NUBPL: variants seen among roughly 807,000 people sequenced by gnomAD.
NUBPL encodes the protein iron-sulfur cluster transfer protein NUBPL.
In NUBPL, 31 loss-of-function variants were observed where a neutral mutation model predicts 45.7. The observed-to-expected ratio is 0.68, with a 90% CI of 0.51 to 0.92. NUBPL has a LOEUF of 0.92. NUBPL is among the 40% of genes least tolerant of loss of function. The pLI, the probability that NUBPL is intolerant of heterozygous loss-of-function variation, is 0.00. For missense variants in NUBPL, 401 were observed against 398.7 expected (o/e 1.01, Z -0.05); for synonymous variants, 144 against 140.9 (o/e 1.02, Z -0.15).
chr14:31,693,887 G>T (rs1229651213), intron 6 of NUBPL, among the ~76,000 whole-genome samples: 1 of 125,924 alleles, frequency 7.9e-6, no homozygotes, highest in Non-Finnish European at 1.5e-5. Context: ...ACGGAGTCTC[G>T]CTCTGTTGCC....
At chr14:31,618,292 T>C (rs2034965195) in intron 4 of NUBPL, among the ~76,000 whole-genome samples, 1 of 152,208 alleles carries the variant, frequency 6.6e-6, no homozygotes, top group Admixed American at 6.5e-5. Context: ...TGCTCTGATC[T>C]TAGTTATTTG....
intron 6 of NUBPL, among the ~76,000 whole-genome samples, chr14:31,686,178 A>G (rs2036949317): frequency 6.6e-6 from 1 of 152,214 alleles, no homozygotes; most frequent in Non-Finnish European, 1.5e-5. Flanking sequence ...AACTCTTTGA[A>G]GCCTGCAAGG....
chr14:31,841,348 T>A (rs1157941682), intron 8 of NUBPL, among the ~76,000 whole-genome samples: 1 of 152,234 alleles, frequency 6.6e-6, no homozygotes, highest in Admixed American at 6.5e-5. Context: ...AAACATTTGA[T>A]ATAATTTTGT....
intron 3 of NUBPL, among the ~76,000 whole-genome samples, chr14:31,568,738 AAAT>A (rs2033503724): frequency 6.6e-6 from 1 of 152,230 alleles, no homozygotes; most frequent in Non-Finnish European, 1.5e-5. Flanking sequence ...AGTGATGTGA[AAAT>A]AATAATAAAA....
Position 31,841,917 on chromosome 14 carries a change from C to CTTTTGTT in NUBPL, c.694-4550_694-4549insGTTTTTT. Among the ~76,000 whole-genome samples, 338 of 43,044 alleles carry CTTTTGTT rather than the reference C, an allele frequency of 7.9e-3. 43 individuals carry two copies. The highest frequency in any genetic ancestry group is 0.024 in the African/African-American group (257 of 10,816). 28.2% of individuals were successfully genotyped at this position (43,044 alleles called of 152,430 possible). On this transcript the variant is annotated intron_variant, in intron 8 of 10. Coordinates refer to ENST00000281081, the MANE Select transcript of NUBPL (RefSeq NM_025152.3). ...CTTTCATGTATGGGTCGATTCTGGG[C>CTTTTGTT]TTTTTTTTTTTTTTTTTTTTTTTTT...
intron 3 of NUBPL, among the ~76,000 whole-genome samples, chr14:31,574,590 T>TC (rs2033672653): frequency 7.3e-6 from 1 of 137,198 alleles, no homozygotes; most frequent in African/African-American, 2.8e-5. Context: ...TTCTTTTTTT[T>TC]TTTTTTTTTT....
intron 3 of NUBPL, among the ~76,000 whole-genome samples, chr14:31,568,706 G>A (rs1440605248): frequency 6.6e-6 from 1 of 152,146 alleles, no homozygotes; most frequent in Non-Finnish European, 1.5e-5. Flanking sequence ...GATGTCTTTT[G>A]TTTCCAAAGT....
intron 9 of NUBPL, among the ~76,000 whole-genome samples, chr14:31,847,275 A>T (rs2040468386): frequency 6.6e-6 from 1 of 151,914 alleles, no homozygotes. Context: ...TGTTGTAAAA[A>T]CCTCTAAAAG....
intron 8 of NUBPL, among the ~76,000 whole-genome samples, chr14:31,843,534 C>T (rs12432404): frequency 1.1e-4 from 17 of 152,032 alleles, no homozygotes; most frequent in Non-Finnish European, 1.9e-4. Flanking sequence ...CTCTTGCTTA[C>T]AACTCTGTAA....
At chr14:31,596,488 C>G (rs552404015) in intron 3 of NUBPL, among the ~76,000 whole-genome samples, 3 of 151,800 alleles carry the variant, frequency 2.0e-5, no homozygotes, top group Non-Finnish European at 4.4e-5. Context: ...CAAATCCTGC[C>G]GTTTTTTGTG....
intron 4 of NUBPL, among the ~76,000 whole-genome samples, chr14:31,621,455 A>G (rs1313178552): frequency 6.6e-6 from 1 of 152,176 alleles, no homozygotes; most frequent in African/African-American, 2.4e-5. Flanking sequence ...GCCAGTTGCG[A>G]AGACCGTGGG....
At chr14:31,852,008 T>C (rs1371297242) in intron 10 of NUBPL, among the ~76,000 whole-genome samples, 3 of 152,202 alleles carry the variant, frequency 2.0e-5, no homozygotes, top group Non-Finnish European at 4.4e-5. Context: ...TTTAATACTC[T>C]AAATAGCTTT....
At chr14:31,571,556 T>G (rs2033584997) in intron 3 of NUBPL, among the ~76,000 whole-genome samples, 1 of 152,000 alleles carries the variant, frequency 6.6e-6, no homozygotes, top group Non-Finnish European at 1.5e-5. Flanking sequence ...TTCAAGTGAT[T>G]CTCCTGCCTC....
intron 6 of NUBPL, among the ~76,000 whole-genome samples, chr14:31,731,389 A>T (rs990294004): frequency 6.6e-6 from 1 of 152,210 alleles, no homozygotes; most frequent in Admixed American, 6.5e-5. Context: ...AATACATTTG[A>T]CACACATAAT....
intron 3 of NUBPL, among the ~76,000 whole-genome samples, chr14:31,572,158 G>A (rs1482425891): frequency 6.7e-6 from 1 of 148,904 alleles, no homozygotes; most frequent in East Asian, 2.0e-4. Context: ...AATTTTTTTT[G>A]TGATGGAGTC....
chr14:31,833,082 T>A (rs972487840), intron 8 of NUBPL, among the ~76,000 whole-genome samples: 1 of 152,124 alleles, frequency 6.6e-6, no homozygotes, highest in Non-Finnish European at 1.5e-5. Context: ...TAATAAGAAT[T>A]TGGGGCTGGG....
At position 31,679,849 on chromosome 14, in the gene NUBPL, A is replaced by G. The variant is rs138891370; in HGVS notation, c.513+6275A>G. Among the ~76,000 whole-genome samples the G allele has an allele frequency of 4.3e-3, 649 of 152,328 alleles. 1 individual carries two copies. Among genetic ancestry groups the G allele is most frequent in the Non-Finnish European group, 7.3e-3 (496 of 68,020 alleles). ...CAATTTTGGATGAATTGAGATTCTG[A>G]CAACATTGAGTCTTCTAATCTGTGA... is the stretch of plus-strand genomic sequence containing the variant. On this transcript the variant is annotated intron_variant, in intron 6 of 10. Coordinates refer to ENST00000281081, the MANE Select transcript of NUBPL (RefSeq NM_025152.3).
At chr14:31,825,644 C>CTTCTTTCCTT (rs72382271) in intron 7 of NUBPL, among the ~76,000 whole-genome samples, 1 of 146,886 alleles carries the variant, frequency 6.8e-6, no homozygotes, top group African/African-American at 2.6e-5. Context: ...TCCCCTCTTT[C>CTTCTTTCCTT]TCCTTTCCTT....
chr14:31,678,165 G>C (rs941060472), intron 6 of NUBPL, among the ~76,000 whole-genome samples: 3 of 152,142 alleles, frequency 2.0e-5, no homozygotes, highest in Non-Finnish European at 4.4e-5. Flanking sequence ...AGCTCGTGGT[G>C]AAGGTTGTCA....
Sources: gnomAD v4.1 joint callset for allele counts (sites outside exome capture counted in the v4.1 genomes callset) on GRCh38, gnomAD v4.1.1 for gene constraint, MANE v1.5 for transcripts, NCBI Gene and HGNC (gene_info 2026-07-23, HGNC 2026-07-21) for gene names.